Variants in ZMAT4 observed in about 807,000 individuals in gnomAD.
The protein encoded by ZMAT4 is zinc finger matrin-type protein 4.
In ZMAT4, 17 loss-of-function variants were observed where a neutral mutation model predicts 28.7. That is an observed-to-expected ratio of 0.59 (90% CI 0.41 to 0.89). The LOEUF is 0.89. Among genes scored for constraint, ZMAT4 ranks in the 40% least tolerant of loss-of-function variants. ZMAT4 has a pLI of 0.00. For missense variants in ZMAT4, 240 were observed against 283.8 expected (o/e 0.85, Z 1.11); for synonymous variants, 117 against 109.2 (o/e 1.07, Z -0.44).
intron 3 of ZMAT4, among the ~76,000 whole-genome samples, chr8:40,719,042 C>A (rs995370628): frequency 6.6e-6 from 1 of 152,110 alleles, no homozygotes; most frequent in Admixed American, 6.6e-5. Flanking sequence ...AGATGAGAAC[C>A]GGATGGGGCC....
chr8:40,823,495 A>G (rs941097412), intron 2 of ZMAT4, among the ~76,000 whole-genome samples: 2 of 152,106 alleles, frequency 1.3e-5, no homozygotes, highest in Non-Finnish European at 2.9e-5. Flanking sequence ...TGTCTCTACT[A>G]AAAATACAAA....
At chr8:40,680,700 G>GCACA (rs111761901) in intron 4 of ZMAT4, among the ~76,000 whole-genome samples, 15,374 of 149,092 alleles carry the variant, frequency 0.1, 1,056 homozygotes, top group African/African-American at 0.18. Context: ...CATGTCTAAT[G>GCACA]TACACACACA....
At chr8:40,583,631 G>A (rs895340247) in intron 5 of ZMAT4, among the ~76,000 whole-genome samples, 4 of 152,160 alleles carry the variant, frequency 2.6e-5, no homozygotes, top group Non-Finnish European at 4.4e-5. Context: ...ATTTAAGCAC[G>A]CATCTCTGAC....
intron 3 of ZMAT4, among the ~76,000 whole-genome samples, chr8:40,757,312 C>T (rs1054587254): frequency 3.3e-5 from 5 of 152,192 alleles, no homozygotes; most frequent in African/African-American, 7.2e-5. Context: ...AATGAGTAGG[C>T]GAATCTGCTC....
chr8:40,792,218 T>C (rs1814358350), intron 2 of ZMAT4, among the ~76,000 whole-genome samples: 1 of 152,070 alleles, frequency 6.6e-6, no homozygotes, highest in African/African-American at 2.4e-5. Flanking sequence ...TATTTTTGTA[T>C]GTGAAAAAAG....
At chr8:40,733,908 G>T (rs940254044) in intron 3 of ZMAT4, among the ~76,000 whole-genome samples, 3 of 152,106 alleles carry the variant, frequency 2.0e-5, no homozygotes, top group Non-Finnish European at 4.4e-5. Flanking sequence ...TGACACCTTG[G>T]AGGTAGATAT....
intron 3 of ZMAT4, among the ~76,000 whole-genome samples, chr8:40,700,219 G>T (rs1457964722): frequency 6.6e-6 from 1 of 151,268 alleles, no homozygotes; most frequent in Non-Finnish European, 1.5e-5. Flanking sequence ...GTCTCATATT[G>T]GACTCACATA....
chr8:40,790,374 A>G (rs4424239), intron 2 of ZMAT4, among the ~76,000 whole-genome samples: 61,079 of 151,678 alleles, frequency 0.4, 12,704 homozygotes, highest in Middle Eastern at 0.48. Flanking sequence ...ATTGATATCT[A>G]AAACCAATTG....
intron 5 of ZMAT4, among the ~76,000 whole-genome samples, chr8:40,617,366 G>T (rs187862723): frequency 3.3e-5 from 5 of 152,268 alleles, no homozygotes; most frequent in Admixed American, 2.6e-4. Flanking sequence ...GCCTATGCAG[G>T]TATATTTTAG....
At chr8:40,772,759 C>G (rs1044538699) in intron 2 of ZMAT4, among the ~76,000 whole-genome samples, 1 of 152,200 alleles carries the variant, frequency 6.6e-6, no homozygotes, top group Admixed American at 6.5e-5. Flanking sequence ...CTTCTAGAAA[C>G]CAGCTAAAAT....
At chr8:40,698,361 T>C (rs1436399730) in intron 3 of ZMAT4, among the ~76,000 whole-genome samples, 1 of 152,194 alleles carries the variant, frequency 6.6e-6, no homozygotes, top group Non-Finnish European at 1.5e-5. Flanking sequence ...CAATTACCTA[T>C]ACTTATGAAG....
chr8:40,882,634 C>G, intron 1 of ZMAT4, among the ~76,000 whole-genome samples: 1 of 152,186 alleles, frequency 6.6e-6, no homozygotes, highest in Middle Eastern at 3.2e-3. Context: ...CGGCTTTTAT[C>G]ACTTGCCATA....
chr8:40,656,252 T>C (rs555427738), intron 5 of ZMAT4, among the ~76,000 whole-genome samples: 14 of 152,256 alleles, frequency 9.2e-5, no homozygotes, highest in African/African-American at 3.1e-4. Flanking sequence ...AGTGACTTAC[T>C]ATGTCATATT....
chr8:40,860,981 T>A (rs1372772173), intron 1 of ZMAT4, among the ~76,000 whole-genome samples: 1 of 152,188 alleles, frequency 6.6e-6, no homozygotes, highest in Non-Finnish European at 1.5e-5. Context: ...TCAAGGTCAT[T>A]GTCACTTCCT....
At position 40,602,288 on chromosome 8, in the gene ZMAT4, C is replaced by T. The variant is rs554412742; in HGVS notation, c.578-21027G>A. On this transcript the variant is annotated intron_variant, in intron 5 of 6. Transcript: ENST00000297737. ...GATTGATAGGCACTTGGGCTGGTTCCGTATTTTTGCAAGTGTGAATTGTGC... is the reference window on the plus strand; with the variant it reads ...GATTGATAGGCACTTGGGCTGGTTCTGTATTTTTGCAAGTGTGAATTGTGC... Among the ~76,000 whole-genome samples, 139 of 152,250 alleles carry T rather than the reference C, an allele frequency of 9.1e-4. 2 individuals carry two copies. The South Asian group carries it at 0.017, about 18-fold the overall frequency.
chr8:40,710,264 G>GT, intron 3 of ZMAT4, among the ~76,000 whole-genome samples: 1 of 152,126 alleles, frequency 6.6e-6, no homozygotes, highest in East Asian at 1.9e-4. Context: ...TACTGGTGCT[G>GT]TAGCATCAAT....
chr8:40,586,326 T>C (rs182949286), intron 5 of ZMAT4, among the ~76,000 whole-genome samples: 1 of 152,202 alleles, frequency 6.6e-6, no homozygotes, highest in Non-Finnish European at 1.5e-5. Flanking sequence ...AAGAGTATCC[T>C]AAAATTTCTG....
intron 1 of ZMAT4, among the ~76,000 whole-genome samples, chr8:40,895,425 G>A (rs1157531326): frequency 6.6e-6 from 1 of 152,198 alleles, no homozygotes; most frequent in East Asian, 1.9e-4. Context: ...CCCCATCCAA[G>A]GTGAAGCTGT....
At chr8:40,601,260 A>G (rs1805293877) in intron 5 of ZMAT4, among the ~76,000 whole-genome samples, 1 of 151,546 alleles carries the variant, frequency 6.6e-6, no homozygotes, top group African/African-American at 2.4e-5. Context: ...TTTTTTTTCC[A>G]CTTTAACAGA....
Sources: gnomAD v4.1 joint callset for allele counts (sites outside exome capture counted in the v4.1 genomes callset) on GRCh38, gnomAD v4.1.1 for gene constraint, MANE v1.5 for transcripts, NCBI Gene and HGNC (gene_info 2026-07-23, HGNC 2026-07-21) for gene names.